The following CBR4 variants were observed in gnomAD, a reference collection of about 807,000 sequenced individuals.
CBR4 encodes the protein 3-oxoacyl-[acyl-carrier-protein] reductase.
CBR4 carries 22 observed loss-of-function variants against 21.0 expected under a neutral mutation model. That is an observed-to-expected ratio of 1.05 (90% confidence interval 0.75 to 1.50). CBR4 has a LOEUF of 1.50. Ranked by LOEUF, CBR4 falls within the 40% of genes most tolerant of loss-of-function variation. CBR4 has a pLI of 0.00. For missense variants in CBR4, 302 were observed against 286.3 expected, an observed-to-expected ratio of 1.05 and a Z score of -0.40; for synonymous variants, 100 against 104.4, an observed-to-expected ratio of 0.96 and a Z score of 0.26.
chr4:168,993,120 C>T (rs1238620354), intron 4 of CBR4, among the ~76,000 whole-genome samples: 1 of 151,780 alleles, frequency 6.6e-6, no homozygotes, highest in Non-Finnish European at 1.5e-5. Flanking sequence ...TGAAGAGCCA[C>T]AATAATCAAC....
intron 2 of CBR4, among the ~76,000 whole-genome samples, chr4:168,935,289 T>A (rs775642028): frequency 2.7e-4 from 41 of 152,154 alleles, no homozygotes; most frequent in Non-Finnish European, 4.9e-4. Flanking sequence ...ATAGACCAGA[T>A]GCCTGTGCCA....
intron 4 of CBR4, among the ~76,000 whole-genome samples, chr4:168,999,163 G>T (rs534339303): frequency 1.3e-5 from 2 of 151,932 alleles, no homozygotes; most frequent in Non-Finnish European, 2.9e-5. Flanking sequence ...ACAGTATTAG[G>T]CAATGAATCG....
chr4:169,002,432 AC>A (rs1050492905), intron 3 of CBR4, among the ~76,000 whole-genome samples: 1 of 152,214 alleles, frequency 6.6e-6, no homozygotes, highest in Non-Finnish European at 1.5e-5. Flanking sequence ...AGCAGCTGAT[AC>A]AAAACTGCCA....
intron 2 of CBR4, among the ~76,000 whole-genome samples, chr4:168,904,425 C>T (rs1416083235): frequency 3.9e-5 from 6 of 152,130 alleles, no homozygotes; most frequent in Admixed American, 3.9e-4. Flanking sequence ...AATGTTTTCT[C>T]TTGTATTTGC....
chr4:168,950,498 C>T (rs1055514891), intron 2 of CBR4, among the ~76,000 whole-genome samples: 2 of 151,990 alleles, frequency 1.3e-5, no homozygotes, highest in African/African-American at 2.4e-5. Flanking sequence ...TATTATGGCT[C>T]GTTTTGTGGC....
At chr4:168,935,888 T>C (rs1379604888) in intron 2 of CBR4, among the ~76,000 whole-genome samples, 6 of 152,230 alleles carry the variant, frequency 3.9e-5, no homozygotes, top group African/African-American at 1.4e-4. Flanking sequence ...GCAGCAGATC[T>C]TGCAGCACAG....
At chr4:169,003,569 C>A (rs1270318004) in intron 3 of CBR4, among the ~76,000 whole-genome samples, 2 of 152,154 alleles carry the variant, frequency 1.3e-5, no homozygotes, top group Non-Finnish European at 2.9e-5. Flanking sequence ...AGGAGTGGCT[C>A]CAATTTTTAA....
chr4:168,926,350 C>T, intron 2 of CBR4: 1 of 1,537,360 alleles, frequency 6.5e-7, no homozygotes, highest in Non-Finnish European at 8.7e-7. Flanking sequence ...TCACCTGACA[C>T]TGAATACTGC....
chr4:168,925,454 C>T, intron 2 of CBR4: 1 of 638,182 alleles, frequency 1.6e-6, no homozygotes, highest in East Asian at 2.7e-5. Flanking sequence ...TGCCTTTTAA[C>T]ATTTCTTCCT....
At chr4:168,931,273 A>T (rs1283341971) in intron 2 of CBR4, among the ~76,000 whole-genome samples, 1 of 152,208 alleles carries the variant, frequency 6.6e-6, no homozygotes, top group African/African-American at 2.4e-5. Context: ...CCTGAGAAAC[A>T]GCCCAATGCC....
At chr4:168,943,368 G>T (rs775217730) in intron 2 of CBR4, among the ~76,000 whole-genome samples, 4 of 152,120 alleles carry the variant, frequency 2.6e-5, no homozygotes, top group Non-Finnish European at 5.9e-5. Context: ...CCGCACAAAG[G>T]CTATCAATAA....
At chr4:168,919,939 A>G (rs538414985) in intron 2 of CBR4, among the ~76,000 whole-genome samples, 4 of 152,122 alleles carry the variant, frequency 2.6e-5, no homozygotes, top group African/African-American at 9.7e-5. Context: ...GTAACTATCC[A>G]CTGGGTAGGT....
chr4:168,949,420 G>A (rs1298122575), intron 2 of CBR4, among the ~76,000 whole-genome samples: 2 of 152,128 alleles, frequency 1.3e-5, no homozygotes, highest in African/African-American at 2.4e-5. Flanking sequence ...GAAGTGATGA[G>A]AGTGGGCATC....
intron 2 of CBR4, among the ~76,000 whole-genome samples, chr4:168,963,141 T>G (rs920763975): frequency 1.3e-5 from 2 of 152,202 alleles, no homozygotes; most frequent in African/African-American, 4.8e-5. Context: ...CGGAAAGGAC[T>G]GAGGAAGCAC....
At chr4:168,965,236 A>T (rs1763983609) in intron 2 of CBR4, among the ~76,000 whole-genome samples, 1 of 152,184 alleles carries the variant, frequency 6.6e-6, no homozygotes, top group Admixed American at 6.5e-5. Flanking sequence ...ACTACAAACC[A>T]CTGCTCAACA....
At chr4:168,983,481 T>C (rs1431275611), downstream of CBR4, among the ~76,000 whole-genome samples, 5 of 151,766 alleles carry the variant, frequency 3.3e-5, no homozygotes, top group Non-Finnish European at 5.9e-5. Context: ...TTCTACGAGA[T>C]GTAAAAAGAA....
intron 2 of CBR4, among the ~76,000 whole-genome samples, chr4:168,937,123 C>T (rs1261961836): frequency 6.6e-6 from 1 of 152,152 alleles, no homozygotes; most frequent in Admixed American, 6.5e-5. Context: ...TCTGCAGAAA[C>T]CCTACAAGCC....
chr4:168,971,436 ATTTTTTTT>A (rs70961566), intron 2 of CBR4, among the ~76,000 whole-genome samples: 20 of 114,118 alleles, frequency 1.8e-4, no homozygotes, highest in Non-Finnish European at 1.0e-4. Flanking sequence ...TGCCCAGCTC[ATTTTTTTT>A]TTTTTTTTTT....
chr4:168,903,991 A>C, intron 2 of CBR4: 1 of 1,267,796 alleles, frequency 7.9e-7, no homozygotes, highest in Non-Finnish European at 1.2e-6. Context: ...TTAAAAGGTG[A>C]AGTTAAGAAG....
Sources: allele counts gnomAD v4.1 joint callset (sites outside exome capture counted in the v4.1 genomes callset), GRCh38; gene constraint gnomAD v4.1.1; transcripts MANE v1.5; gene names NCBI Gene and HGNC (gene_info 2026-07-23, HGNC 2026-07-21).